CTNNA3: variants seen among roughly 807,000 people sequenced by gnomAD.
The protein encoded by CTNNA3 is catenin alpha 3.
A neutral mutation model predicts 95.7 loss-of-function variants in CTNNA3; 76 were observed. The ratio of observed to expected loss-of-function variants is 0.79; its 90% confidence interval spans 0.66 to 0.96. The LOEUF (loss-of-function observed/expected upper bound fraction) is 0.96. Among genes scored for constraint, CTNNA3 ranks in the 40% least tolerant of loss-of-function variants. The pLI is 0.00. For synonymous variants in CTNNA3, 431 were observed against 374.4 expected (o/e 1.15, Z -1.74); for missense variants, 1,191 against 1,089.8 (o/e 1.09, Z -1.31).
chr10:66,960,484 G>C (rs1302369110), intron 7 of CTNNA3, among the ~76,000 whole-genome samples: 1 of 151,118 alleles, frequency 6.6e-6, no homozygotes, highest in Non-Finnish European at 1.5e-5. Context: ...AAAAGTTTTA[G>C]AGTAGAGAAC....
At chr10:65,979,923 T>C (rs2078284346) in intron 16 of CTNNA3, among the ~76,000 whole-genome samples, 2 of 151,878 alleles carry the variant, frequency 1.3e-5, no homozygotes, top group African/African-American at 2.4e-5. Context: ...GGAGAACTAA[T>C]CTAGGCATCA....
intron 5 of CTNNA3, among the ~76,000 whole-genome samples, chr10:67,452,315 G>A (rs1041678055): frequency 2.6e-5 from 4 of 152,116 alleles, no homozygotes; most frequent in African/African-American, 9.7e-5. Context: ...AATGTATTAT[G>A]AGACTCAATT....
intron 7 of CTNNA3, among the ~76,000 whole-genome samples, chr10:66,998,861 T>C (rs1373432525): frequency 6.6e-6 from 1 of 152,126 alleles, no homozygotes; most frequent in Non-Finnish European, 1.5e-5. Flanking sequence ...TTTGTTCCAA[T>C]GGCTATATGT....
intron 1 of CTNNA3, among the ~76,000 whole-genome samples, chr10:67,703,972 T>C (rs1171588861): frequency 2.0e-5 from 3 of 152,172 alleles, no homozygotes; most frequent in African/African-American, 4.8e-5. Flanking sequence ...AGCATTCTTA[T>C]ACACCAATAA....
intron 7 of CTNNA3, among the ~76,000 whole-genome samples, chr10:67,153,362 G>A (rs935829856): frequency 5.9e-5 from 9 of 152,340 alleles, no homozygotes; most frequent in African/African-American, 2.2e-4. Flanking sequence ...GCCTTCACTT[G>A]AGAAATTTTT....
intron 10 of CTNNA3, among the ~76,000 whole-genome samples, chr10:66,568,237 C>T (rs560031095): frequency 1.3e-5 from 2 of 152,146 alleles, no homozygotes; most frequent in South Asian, 4.1e-4. Flanking sequence ...CAAACTGGTG[C>T]CTAACTGAAG....
intron 5 of CTNNA3, among the ~76,000 whole-genome samples, chr10:67,476,514 C>T (rs1487780332): frequency 6.6e-6 from 1 of 151,560 alleles, no homozygotes; most frequent in East Asian, 2.0e-4. Context: ...GCACAAAGAT[C>T]ATGGTGCAGC....
chr10:67,524,088 T>G (rs914453843), intron 4 of CTNNA3, among the ~76,000 whole-genome samples: 10 of 152,182 alleles, frequency 6.6e-5, no homozygotes, highest in Non-Finnish European at 1.5e-4. Context: ...ATGGGAACTT[T>G]AGAGCAAACA....
chr10:66,091,638 A>T (rs2081216404), intron 14 of CTNNA3, among the ~76,000 whole-genome samples: 1 of 151,966 alleles, frequency 6.6e-6, no homozygotes, highest in African/African-American at 2.4e-5. Context: ...AGGTAATGTT[A>T]TGGAAAAAAG....
chr10:66,346,529 G>A (rs916998500), intron 12 of CTNNA3, among the ~76,000 whole-genome samples: 12 of 151,936 alleles, frequency 7.9e-5, no homozygotes, highest in East Asian at 3.9e-4. Flanking sequence ...TGCCTGCCTC[G>A]GCCTCCCAAA....
At chr10:66,398,071 T>C (rs2092993220) in intron 11 of CTNNA3, among the ~76,000 whole-genome samples, 1 of 151,798 alleles carries the variant, frequency 6.6e-6, no homozygotes, top group African/African-American at 2.4e-5. Flanking sequence ...AGTAAGAGAG[T>C]TTTATGTTAC....
intron 7 of CTNNA3, among the ~76,000 whole-genome samples, chr10:66,979,087 C>G (rs1187679101): frequency 6.6e-6 from 1 of 151,268 alleles, no homozygotes; most frequent in East Asian, 1.9e-4. Flanking sequence ...GCCTCAGCCT[C>G]CTGAGTAGCT....
At chr10:67,628,680 A>G (rs1009433106) in intron 2 of CTNNA3, among the ~76,000 whole-genome samples, 6 of 152,152 alleles carry the variant, frequency 3.9e-5, no homozygotes, top group African/African-American at 1.2e-4. Flanking sequence ...TATGTGTTCC[A>G]AAACTGTATG....
intron 9 of CTNNA3, among the ~76,000 whole-genome samples, chr10:66,741,445 T>C (rs1849323003): frequency 6.6e-6 from 1 of 152,198 alleles, no homozygotes; most frequent in Non-Finnish European, 1.5e-5. Context: ...GCAATTTATA[T>C]AAGGCTGGGC....
chr10:67,133,068 G>T (rs1442488095), intron 7 of CTNNA3, among the ~76,000 whole-genome samples: 1 of 151,502 alleles, frequency 6.6e-6, no homozygotes, highest in African/African-American at 2.4e-5. Flanking sequence ...TAGAAGAGAG[G>T]ACTTGAAATG....
At chr10:66,702,921 A>G (rs1207042684) in intron 9 of CTNNA3, among the ~76,000 whole-genome samples, 1 of 152,086 alleles carries the variant, frequency 6.6e-6, no homozygotes, top group Non-Finnish European at 1.5e-5. Flanking sequence ...TAACAATGTC[A>G]TTTTAATCAT....
chr10:66,329,139 TGG>T (rs34180913), intron 12 of CTNNA3, among the ~76,000 whole-genome samples: 1 of 151,394 alleles, frequency 6.6e-6, no homozygotes, highest in Admixed American at 6.6e-5. Context: ...TTAGTAGAGA[TGG>T]GGTTTCACCA....
intron 9 of CTNNA3, among the ~76,000 whole-genome samples, chr10:66,630,010 T>C (rs1307268307): frequency 6.6e-6 from 1 of 152,156 alleles, no homozygotes; most frequent in Non-Finnish European, 1.5e-5. Flanking sequence ...TTTATAATTA[T>C]ATGTTCACTG....
chr10:67,305,389 AAAAG>A (rs1377439176), intron 5 of CTNNA3, among the ~76,000 whole-genome samples: 3 of 151,636 alleles, frequency 2.0e-5, no homozygotes, highest in East Asian at 1.9e-4. Flanking sequence ...AAAAAAAAAA[AAAAG>A]AGAGAGAGAC....
Sources: allele counts gnomAD v4.1 joint callset (sites outside exome capture counted in the v4.1 genomes callset), GRCh38; gene constraint gnomAD v4.1.1; transcripts MANE v1.5; gene names NCBI Gene and HGNC (gene_info 2026-07-23, HGNC 2026-07-21).